The following FBXO36 variants were observed in gnomAD, a reference collection of about 807,000 sequenced individuals.
The protein encoded by FBXO36 is F-box only protein 36.
Under a neutral mutation model 17.0 loss-of-function variants are expected in FBXO36, and 18 were observed. The ratio of observed to expected loss-of-function variants is 1.06; its 90% confidence interval spans 0.73 to 1.57. The LOEUF (loss-of-function observed/expected upper bound fraction) is 1.57, where lower values mean the gene tolerates loss of function less well. FBXO36 is among the 40% of genes most tolerant of loss of function. The pLI is 0.00. For missense variants in FBXO36, 229 were observed against 221.9 expected (o/e 1.03, Z -0.20); for synonymous variants, 83 against 85.3 (o/e 0.97, Z 0.15).
chr2:230,002,667 C>T (rs970990443), intron 3 of FBXO36, among the ~76,000 whole-genome samples: 1 of 152,078 alleles, frequency 6.6e-6, no homozygotes, highest in Non-Finnish European at 1.5e-5. Flanking sequence ...TACAGGCATG[C>T]GCCACCATGC....
At chr2:229,931,539 A>C (rs1051554635) in intron 1 of FBXO36, among the ~76,000 whole-genome samples, 1 of 152,126 alleles carries the variant, frequency 6.6e-6, no homozygotes, top group Non-Finnish European at 1.5e-5. Flanking sequence ...GCTTTATCCC[A>C]ACTCTAAAAT....
intron 1 of FBXO36, among the ~76,000 whole-genome samples, chr2:229,947,920 C>G (rs1444333777): frequency 6.6e-6 from 1 of 152,138 alleles, no homozygotes; most frequent in East Asian, 1.9e-4. Flanking sequence ...AGTGAAGATA[C>G]AGATTTTGAC....
rs1286492249 is a variant in FBXO36, at chr2:229,969,691, T to TA, written c.97-6544dup. Among the ~76,000 whole-genome samples, 13 of 151,704 alleles carry TA rather than the reference T, an allele frequency of 8.6e-5. 2 individuals carry two copies. The highest frequency in any genetic ancestry group is 3.1e-4 in the African/African-American group (13 of 41,388). ...TGACAGAGACTCTGTCTCAGAAAAA[T>TA]AAAAAATAAAAATAAAATAAAATTG... On this transcript the variant is annotated intron_variant, in intron 1 of 3. Coordinates refer to ENST00000283946, the MANE Select transcript of FBXO36 (RefSeq NM_174899.5).
intron 2 of FBXO36, among the ~76,000 whole-genome samples, chr2:229,978,305 G>A (rs1469224399): frequency 6.7e-6 from 1 of 148,492 alleles, no homozygotes; most frequent in African/African-American, 2.5e-5. Flanking sequence ...AATAATAGCT[G>A]GGCACGGTGG....
At chr2:229,949,997 T>C (rs564734613) in intron 1 of FBXO36, among the ~76,000 whole-genome samples, 4 of 152,192 alleles carry the variant, frequency 2.6e-5, no homozygotes, top group Admixed American at 6.5e-5. Flanking sequence ...TGGAAGAAAT[T>C]TTACATTAAC....
chr2:230,002,923 G>A (rs983741655), intron 3 of FBXO36, among the ~76,000 whole-genome samples: 2 of 152,022 alleles, frequency 1.3e-5, no homozygotes, highest in Non-Finnish European at 2.9e-5. Flanking sequence ...CTATTTTGGG[G>A]AGGGTTGAAA....
intron 1 of FBXO36, among the ~76,000 whole-genome samples, chr2:229,932,234 G>C (rs1038909928): frequency 6.6e-6 from 1 of 151,872 alleles, no homozygotes; most frequent in Admixed American, 6.6e-5. Context: ...ACAAAAATTA[G>C]CCAGGGCCCG....
intron 2 of FBXO36, among the ~76,000 whole-genome samples, chr2:229,991,601 TCTC>T (rs1289097566): frequency 1.3e-5 from 2 of 152,178 alleles, no homozygotes; most frequent in Non-Finnish European, 2.9e-5. Context: ...TCCAAAGTCT[TCTC>T]CTTTTGTACT....
chr2:229,935,619 A>G (rs933321715), intron 1 of FBXO36, among the ~76,000 whole-genome samples: 27 of 152,188 alleles, frequency 1.8e-4, no homozygotes, highest in African/African-American at 6.5e-4. Context: ...TTTGATAAGG[A>G]GATAAGAATT....
chr2:229,927,426 G>C (rs1349527383), intron 1 of FBXO36, among the ~76,000 whole-genome samples: 1 of 152,156 alleles, frequency 6.6e-6, no homozygotes, highest in Non-Finnish European at 1.5e-5. Context: ...ACTGTTACCA[G>C]TATTGTACTC....
chr2:229,988,500 A>G (rs2077280440), intron 2 of FBXO36, among the ~76,000 whole-genome samples: 1 of 151,504 alleles, frequency 6.6e-6, no homozygotes, highest in Admixed American at 6.6e-5. Flanking sequence ...GTCTTTGGAG[A>G]TATTCTTTGT....
chr2:229,999,024 G>T (rs963822566), intron 3 of FBXO36, among the ~76,000 whole-genome samples: 1 of 151,024 alleles, frequency 6.6e-6, no homozygotes, highest in Non-Finnish European at 1.5e-5. Flanking sequence ...GGATGGTCTC[G>T]ATCTCCTGAC....
At chr2:229,986,831 G>A (rs564941515) in intron 2 of FBXO36, among the ~76,000 whole-genome samples, 192 of 151,240 alleles carry the variant, frequency 1.3e-3, no homozygotes, top group Non-Finnish European at 2.3e-3. Context: ...CACCACACCC[G>A]GCCAAAAAGA....
chr2:230,007,335 G>A (rs1024439263), intron 3 of FBXO36, among the ~76,000 whole-genome samples: 14 of 152,216 alleles, frequency 9.2e-5, no homozygotes, highest in Non-Finnish European at 1.0e-4. Flanking sequence ...AGGAATCACC[G>A]GGAGAACCAC....
At chr2:229,978,311 G>A (rs1418386639) in intron 2 of FBXO36, among the ~76,000 whole-genome samples, 3 of 149,036 alleles carry the variant, frequency 2.0e-5, no homozygotes, top group Admixed American at 6.7e-5. Context: ...AGCTGGGCAC[G>A]GTGGCTCACG....
At chr2:230,005,737 C>T (rs1055212789) in intron 3 of FBXO36, among the ~76,000 whole-genome samples, 5 of 152,112 alleles carry the variant, frequency 3.3e-5, no homozygotes, top group Admixed American at 6.6e-5. Flanking sequence ...GCACAATCTT[C>T]GTTCATTGCA....
intron 2 of FBXO36, among the ~76,000 whole-genome samples, chr2:229,989,119 G>A (rs1044734927): frequency 6.6e-6 from 1 of 151,886 alleles, no homozygotes; most frequent in African/African-American, 2.4e-5. Flanking sequence ...TTGAGTTAAT[G>A]GTTTCTGGTA....
At chr2:229,991,999 G>A (rs1270283297) in intron 2 of FBXO36, among the ~76,000 whole-genome samples, 1 of 152,160 alleles carries the variant, frequency 6.6e-6, no homozygotes, top group Non-Finnish European at 1.5e-5. Flanking sequence ...TTCAAAAGCA[G>A]TAAATCCTGT....
intron 3 of FBXO36, among the ~76,000 whole-genome samples, chr2:230,000,857 T>C (rs992641141): frequency 1.3e-3 from 121 of 89,642 alleles, no homozygotes; most frequent in African/African-American, 3.0e-3. Context: ...TTTTCTTTTT[T>C]TTTTTTTTTT....
Sources: allele counts gnomAD v4.1 joint callset (sites outside exome capture counted in the v4.1 genomes callset), GRCh38; gene constraint gnomAD v4.1.1; transcripts MANE v1.5; gene names NCBI Gene and HGNC (gene_info 2026-07-23, HGNC 2026-07-21).